Variants in FCER2 observed in about 807,000 individuals in gnomAD.
The protein encoded by FCER2 is Fc epsilon receptor II, also known as low affinity immunoglobulin epsilon Fc receptor.
A neutral mutation model predicts 49.7 loss-of-function variants in FCER2; 38 were observed. The ratio of observed to expected loss-of-function variants is 0.76; its 90% CI spans 0.59 to 1.00. The LOEUF (loss-of-function observed/expected upper bound fraction) is 1.00. Ranked by LOEUF, FCER2 falls within the 50% of genes least tolerant of loss-of-function variation. The pLI is 0.00. For synonymous variants in FCER2, 163 were observed against 164.6 expected, an observed-to-expected ratio of 0.99 and a Z score of 0.07; for missense variants, 425 against 419.5, an observed-to-expected ratio of 1.01 and a Z score of -0.11.
chr19:7,694,382 A>G lies in FCER2; in HGVS notation c.469+2443T>C, dbSNP rs147192010. Among the ~76,000 whole-genome samples the G allele has an allele frequency of 2.3e-3, 346 of 152,212 alleles. 2 individuals are homozygous for G. Among genetic ancestry groups the G allele is most frequent in the East Asian group, 0.019 (99 of 5,172 alleles). On this transcript the variant is annotated intron_variant, in intron 8 of 10. Coordinates refer to ENST00000597921, the MANE Select transcript of FCER2 (RefSeq NM_001220500.2). ...CCTGTCTCTGAACAACAAAAACAAC[A>G]ACGACAAAAACCCAAACCCCAAAAC...
intron 8 of FCER2, among the ~76,000 whole-genome samples, chr19:7,695,920 CTTTTTTTTTTTT>C (rs60387474): frequency 1.2e-5 from 1 of 80,678 alleles, no homozygotes; most frequent in Admixed American, 1.4e-4. Context: ...CCATCTCTCT[CTTTTTTTTTTTT>C]TTTTTTTTTT....
At chr19:7,699,195 C>T (rs1402862357) in intron 2 of FCER2, among the ~76,000 whole-genome samples, 1 of 152,018 alleles carries the variant, frequency 6.6e-6, no homozygotes, top group Non-Finnish European at 1.5e-5. Context: ...GCACCTGTCC[C>T]CAACCTGGAG....
At position 7,699,731 on chromosome 19, in the gene FCER2, C is replaced by T. The variant is rs778244821; in HGVS notation, c.22+8G>A. On this transcript the variant is annotated splice_region_variant and intron_variant, in intron 2 of 10. Transcript: ENST00000597921. ...TCTGCCAACGTTAGAACCAGAGAGTCCTCCTACCTGAATATTGACCTTCCT... is the reference window on the plus strand; with the variant it reads ...TCTGCCAACGTTAGAACCAGAGAGTTCTCCTACCTGAATATTGACCTTCCT... The T allele has an allele frequency of 1.2e-6, 2 of 1,613,516 alleles. No homozygotes were observed. The highest frequency in any genetic ancestry group is 2.7e-5 in the African/African-American group (2 of 74,904).
At chr19:7,690,684 G>GCTTT in intron 8 of FCER2, 127 bp from the exon 9 acceptor site, 2 of 894,426 alleles carry the variant, frequency 2.2e-6, no homozygotes, top group Non-Finnish European at 3.4e-6. Context: ...CCCACCCCAG[G>GCTTT]GCCTAACAGA....
rs2032792066 is a variant in FCER2 at position 7,689,343 on chromosome 19, G to C, written c.816C>G (p.Phe272Leu). Residue 272 changes from phenylalanine (F) to leucine (L), a missense_variant, in exon 11 of 11, where the codon TTC (phenylalanine) becomes TTG (leucine). By Grantham distance (22) the Phe-to-Leu change is conservative. Transcript: ENST00000597921. ...MRGSGRWNDA[F>L]CDRKLGAWVC... ...CCCAGGCGCCCAGCTTACGGTCGCA[G>C]AAGGCGTCGTTCCAGCGACCGGAGC... 1 of 1,612,244 alleles carries C rather than the reference G, an allele frequency of 6.2e-7. No homozygotes were observed. The highest frequency in any genetic ancestry group is 8.5e-7 in the Non-Finnish European group (1 of 1,179,470).
chr19:7,691,633 C>CA (rs2032874259), intron 8 of FCER2, among the ~76,000 whole-genome samples: 1 of 152,072 alleles, frequency 6.6e-6, no homozygotes, highest in African/African-American at 2.4e-5. Context: ...AGCAGCACTT[C>CA]AACCACCAAC....
Position 7,690,472 on chromosome 19 carries a change from G to A in FCER2, c.555C>T (p.Val185=), listed in dbSNP as rs774169912. The part of the protein sequence containing the change: ...YYFGKGTKQW[V]HARYACDDME... ...TGTCGTCACAGGCATACCGGGCGTG[G>A]ACCCACTGCTTGGTGCCCTTGCCGA... The change falls in exon 9 of 11, where the codon GTC becomes GTT. Residue 185 remains valine (V), a synonymous_variant. Coordinates refer to ENST00000597921, the MANE Select transcript of FCER2 (RefSeq NM_001220500.2). The A allele has an allele frequency of 6.2e-7, 1 of 1,614,120 alleles. No individual in the cohort carries two copies. The highest frequency in any genetic ancestry group is 1.7e-5 in the Admixed American group (1 of 60,016).
intron 8 of FCER2, among the ~76,000 whole-genome samples, chr19:7,691,618 A>C (rs1449000153): frequency 1.3e-5 from 2 of 151,630 alleles, no homozygotes; most frequent in Non-Finnish European, 2.9e-5. Flanking sequence ...CAAACACCTC[A>C]TGCCAGCAGC....
At chr19:7,697,434 G>C in intron 5 of FCER2, 93 bp downstream of exon 5, 1 of 1,459,040 alleles carries the variant, frequency 6.9e-7, no homozygotes, top group Non-Finnish European at 9.6e-7. Flanking sequence ...TGTCGGGGGT[G>C]GGGCACAGTG....
intron 2 of FCER2, 91 bp downstream of exon 2, chr19:7,699,648 G>A: frequency 2.3e-6 from 3 of 1,321,826 alleles, no homozygotes; most frequent in East Asian, 2.5e-5. Context: ...TTCCCAGAGA[G>A]GGACTGGGGA....
At chr19:7,694,454 G>C (rs2032964152) in intron 8 of FCER2, among the ~76,000 whole-genome samples, 1 of 152,168 alleles carries the variant, frequency 6.6e-6, no homozygotes, top group African/African-American at 2.4e-5. Flanking sequence ...TCAGGGGAAG[G>C]TGTCTTGGTT....
intron 8 of FCER2, among the ~76,000 whole-genome samples, chr19:7,692,729 T>C (rs72998492): frequency 0.33 from 50,398 of 151,020 alleles, 9,445 homozygotes; most frequent in African/African-American, 0.48. Flanking sequence ...CCAACACCGT[T>C]ATTATAAATA....
intron 2 of FCER2, 170 bp downstream of exon 2, chr19:7,699,569 G>A (rs2033109573): frequency 8.3e-7 from 1 of 1,211,174 alleles, no homozygotes; most frequent in Admixed American, 2.4e-5. Flanking sequence ...TCCTGGCTCT[G>A]TGCCAGGAAA....
intron 8 of FCER2, among the ~76,000 whole-genome samples, chr19:7,694,276 G>A (rs2032959901): frequency 6.6e-6 from 1 of 152,094 alleles, no homozygotes; most frequent in Non-Finnish European, 1.5e-5. Context: ...AAGATGAGAG[G>A]ATCACTTGAC....
Position 7,697,295 on chromosome 19 carries a change from G to T in FCER2, c.257C>A (p.Thr86Lys), listed in dbSNP as rs772612971. The change falls in exon 6 of 11, where the codon ACG (threonine) becomes AAG (lysine). Residue 86 changes from threonine (T) to lysine (K), a missense_variant. Coordinates refer to ENST00000597921, the MANE Select transcript of FCER2 (RefSeq NM_001220500.2). ...GDQMAQKSQS[T>K]QISQELEELR... ...TTCCTCCAGTTCCTGTGAAATCTGC[G>T]TGGCTGTTTGCAGGGGAGGGGGCTT... 6.2e-7 allele frequency: 1 copy of T among 1,614,096 alleles called. No homozygotes were observed. Among genetic ancestry groups the T allele is most frequent in the South Asian group, 1.1e-5 (1 of 91,088 alleles).
chr19:7,690,630 G>T (rs2032841981), intron 8 of FCER2, 73 bp from the exon 9 acceptor site: 1 of 1,515,550 alleles, frequency 6.6e-7, no homozygotes, highest in East Asian at 2.3e-5. Context: ...CTAGGTGGCA[G>T]CACCCCTCCT....
At chr19:7,693,228 C>T (rs1036606837) in intron 8 of FCER2, among the ~76,000 whole-genome samples, 1 of 152,150 alleles carries the variant, frequency 6.6e-6, no homozygotes, top group Admixed American at 6.5e-5. Flanking sequence ...ACTGGCAGAA[C>T]CCGCCAAACC....
Position 7,689,230 on chromosome 19 carries a change from C to A in FCER2, c.929G>T (p.Gly310Val). The A allele has an allele frequency of 1.2e-6, 2 of 1,613,280 alleles. No homozygotes were observed. The highest frequency in any genetic ancestry group is 1.7e-6 in the Non-Finnish European group (2 of 1,179,464). ...AGGGGCAGAGGGGGTGGGCAGGCGGCCGTCAGGGTCTGGTCTTGAATCAGG... is the reference window on the plus strand; with the variant it reads ...AGGGGCAGAGGGGGTGGGCAGGCGGACGTCAGGGTCTGGTCTTGAATCAGG... Reference protein sequence around the residue: ...MGPDSRPDPDGRLPTPSAPLH... With the variant: ...MGPDSRPDPDVRLPTPSAPLH... The change falls in exon 11 of 11, where the codon GGC (glycine) becomes GTC (valine). Residue 310 changes from glycine to valine, a missense_variant. Transcript: ENST00000597921.
At chr19:7,700,759 C>T (rs1018506537) in intron 1 of FCER2, among the ~76,000 whole-genome samples, 3 of 151,934 alleles carry the variant, frequency 2.0e-5, no homozygotes, top group African/African-American at 7.3e-5. Flanking sequence ...ATGATCCGCC[C>T]GCCTCGGCCT....
Sources: allele counts gnomAD v4.1 joint callset (sites outside exome capture counted in the v4.1 genomes callset), GRCh38; gene constraint gnomAD v4.1.1; transcripts MANE v1.5; gene names NCBI Gene and HGNC (gene_info 2026-07-23, HGNC 2026-07-21).